MGAM2: variants seen among roughly 807,000 people sequenced by gnomAD.
The protein encoded by MGAM2 is maltase-glucoamylase 2 (putative).
MGAM2 carries 98 observed loss-of-function variants against 96.1 expected under a neutral mutation model. The ratio of observed to expected loss-of-function variants is 1.02; its 90% CI spans 0.87 to 1.21. MGAM2 has a LOEUF of 1.21. Among genes scored for constraint, MGAM2 ranks in the 50% most tolerant of loss-of-function variants. The pLI is 0.00. For missense variants in MGAM2, 2,055 were observed against 1,182.4 expected, an observed-to-expected ratio of 1.74 and a Z score of -10.82; for synonymous variants, 749 against 414.8, an observed-to-expected ratio of 1.81 and a Z score of -9.79.
intron 33 of MGAM2, among the ~76,000 whole-genome samples, chr7:142,183,658 A>G (rs910950354): frequency 2.8e-4 from 43 of 152,196 alleles, no homozygotes; most frequent in African/African-American, 1.0e-3. Flanking sequence ...TTTGAGAATG[A>G]CACTGAAATC....
intron 12 of MGAM2, among the ~76,000 whole-genome samples, chr7:142,141,513 T>A (rs899995745): frequency 1.3e-5 from 2 of 152,180 alleles, no homozygotes; most frequent in African/African-American, 4.8e-5. Context: ...AATTTTTATT[T>A]TTTTGAGATG....
chr7:142,213,029 C>T (rs1429584324), intron 46 of MGAM2, among the ~76,000 whole-genome samples: 1 of 152,194 alleles, frequency 6.6e-6, no homozygotes, highest in Non-Finnish European at 1.5e-5. Context: ...GATTAAGAAA[C>T]TCACTCAAAA....
chr7:142,159,290 G>C lies in MGAM2; in HGVS notation c.2167G>C (p.Val723Leu). ...LLITPVLYEG[V>L]DEVKAYIPDA... ...CTCATTATTGTTGTTTACCTAGGGT[G>C]TGGACGAAGTGAAAGCATACATACC... The change falls in exon 20 of 48, where the codon GTG (valine) becomes CTG (leucine). Residue 723 changes from valine to leucine, a missense_variant. By Grantham distance (32) the Val-to-Leu change is conservative. Transcript: ENST00000477922. 1.4e-6 allele frequency: 1 copy of C among 702,438 alleles called. No homozygotes were observed. Among genetic ancestry groups the C allele is most frequent in the Non-Finnish European group, 2.6e-6 (1 of 384,564 alleles). 43.5% of individuals were successfully genotyped at this position (702,438 alleles called of 1,614,324 possible). A position where few individuals can be genotyped will look rare whatever the true frequency, so the allele number is the denominator to read the frequency against.
chr7:142,173,220 T>C lies in MGAM2; in HGVS notation c.3562-9T>C, dbSNP rs952948049. The C allele has an allele frequency of 5.7e-6, 4 of 702,872 alleles. No homozygotes were observed. Among genetic ancestry groups the C allele is most frequent in the Non-Finnish European group, 7.8e-6 (3 of 384,798 alleles). The allele number at this position is 702,872 out of a possible 1,614,324, so 43.5% of individuals were successfully genotyped here. A position where few individuals can be genotyped will look rare whatever the true frequency, so the allele number is the denominator to read the frequency against. On this transcript the variant is annotated splice_polypyrimidine_tract_variant and intron_variant, in intron 30 of 47. Transcript: ENST00000477922. Reference sequence around the variant, plus strand: ...AATCTTTCTGGATGCATTTTTCTTTTTATTCTAGTTGATTGGTCGGCCAGC... The same window carrying C: ...AATCTTTCTGGATGCATTTTTCTTTCTATTCTAGTTGATTGGTCGGCCAGC...
At chr7:142,132,713 A>T (rs1455506294) in intron 6 of MGAM2, among the ~76,000 whole-genome samples, 1 of 126,126 alleles carries the variant, frequency 7.9e-6, no homozygotes, top group African/African-American at 3.2e-5. Flanking sequence ...AATATAATTA[A>T]TATTAATAAT....
intron 6 of MGAM2, among the ~76,000 whole-genome samples, chr7:142,133,704 G>T (rs934190511): frequency 6.6e-6 from 1 of 152,098 alleles, no homozygotes; most frequent in African/African-American, 2.4e-5. Flanking sequence ...ACCCAGAGCG[G>T]TGCCTGGTAT....
intron 45 of MGAM2, among the ~76,000 whole-genome samples, chr7:142,203,450 T>A (rs1797300623): frequency 6.6e-6 from 1 of 152,116 alleles, no homozygotes; most frequent in Non-Finnish European, 1.5e-5. Context: ...TCGACACTAT[T>A]CTTATCAAAC....
In MGAM2 at chr7:142,147,531, T is replaced by A. The variant is rs2129082650; in HGVS notation, c.1592T>A (p.Ile531Asn). Residue 531 changes from isoleucine to asparagine, a missense_variant, in exon 15 of 48, where the codon ATC becomes AAC. Transcript: ENST00000477922. ...TTTCATGGGGGCCTTCATTATGACA[T>A]CCACAGCTTGTATGGCCACTCCATG... ...TEFHGGLHYD[I>N]HSLYGHSMAR... 1 of 702,942 alleles carries A rather than the reference T, an allele frequency of 1.4e-6. No homozygotes were observed. The highest frequency in any genetic ancestry group is 2.7e-5 in the East Asian group (1 of 37,280). The allele number at this position is 702,942 out of a possible 1,614,324, so 43.5% of individuals were successfully genotyped here.
chr7:142,136,277 A>G (rs1465213507), intron 7 of MGAM2, among the ~76,000 whole-genome samples: 1 of 152,206 alleles, frequency 6.6e-6, no homozygotes, highest in African/African-American at 2.4e-5. Flanking sequence ...TTCCCTTAGC[A>G]TAACACTTTC....
At chr7:142,215,264 G>T (rs1395996413) in intron 46 of MGAM2, among the ~76,000 whole-genome samples, 1 of 152,046 alleles carries the variant, frequency 6.6e-6, no homozygotes, top group Non-Finnish European at 1.5e-5. Flanking sequence ...GAACATATGG[G>T]CACAGAGAGG....
chr7:142,129,262 A>G (rs886696145), intron 3 of MGAM2, among the ~76,000 whole-genome samples: 2 of 152,176 alleles, frequency 1.3e-5, no homozygotes, highest in Non-Finnish European at 2.9e-5. Context: ...TCTAGGAAGT[A>G]ACTAACTTGC....
intron 47 of MGAM2, among the ~76,000 whole-genome samples, 159 bp from the exon 48 acceptor site, chr7:142,219,711 C>T (rs930999946): frequency 3.9e-5 from 6 of 152,074 alleles, no homozygotes; most frequent in Non-Finnish European, 5.9e-5. Context: ...TTTATCTGAC[C>T]AAAATCAACA....
chr7:142,206,725 G>C (rs1379846184), intron 45 of MGAM2, among the ~76,000 whole-genome samples: 1 of 152,136 alleles, frequency 6.6e-6, no homozygotes, highest in Non-Finnish European at 1.5e-5. Flanking sequence ...AAATTTTTAT[G>C]GAGAAGGTTT....
At chr7:142,204,853 G>A (rs996701565) in intron 45 of MGAM2, among the ~76,000 whole-genome samples, 1 of 152,006 alleles carries the variant, frequency 6.6e-6, no homozygotes, top group South Asian at 2.1e-4. Context: ...GCATCCAAAA[G>A]TCAAAAAGAG....
At chr7:142,149,306 C>T (rs767364131) in intron 15 of MGAM2, among the ~76,000 whole-genome samples, 1 of 152,070 alleles carries the variant, frequency 6.6e-6, no homozygotes, top group African/African-American at 2.4e-5. Flanking sequence ...CATCTGTGTG[C>T]CTGGATCTTT....
At chr7:142,153,991 C>G (rs538543919) in intron 15 of MGAM2, 27 bp from the exon 16 acceptor site, 2 of 577,506 alleles carry the variant, frequency 3.5e-6, no homozygotes, top group South Asian at 2.2e-5. Flanking sequence ...GCCCACCTCA[C>G]ACTCCACTGG....
intron 3 of MGAM2, among the ~76,000 whole-genome samples, chr7:142,127,477 T>C (rs918501225): frequency 5.9e-5 from 9 of 152,208 alleles, no homozygotes; most frequent in Admixed American, 5.9e-4. Flanking sequence ...CTTTAAATCT[T>C]GTTCTAAATC....
At chr7:142,206,497 A>C (rs574912212) in intron 45 of MGAM2, among the ~76,000 whole-genome samples, 1 of 152,298 alleles carries the variant, frequency 6.6e-6, no homozygotes, top group East Asian at 1.9e-4. Context: ...AGAACATAGA[A>C]AGTCCTTTGA....
At chr7:142,112,682 G>A (rs527626311) in intron 1 of MGAM2, among the ~76,000 whole-genome samples, 2 of 151,812 alleles carry the variant, frequency 1.3e-5, no homozygotes, top group East Asian at 1.9e-4. Context: ...AGCGGCTCTC[G>A]GTGTTTGTCT....
Sources: allele counts gnomAD v4.1 joint callset (sites outside exome capture counted in the v4.1 genomes callset), GRCh38; gene constraint gnomAD v4.1.1; transcripts MANE v1.5; gene names NCBI Gene and HGNC (gene_info 2026-07-23, HGNC 2026-07-21).